The following IDE variants were observed in gnomAD, a reference collection of about 807,000 sequenced individuals.
IDE encodes the protein insulin-degrading enzyme.
In IDE, 58 loss-of-function variants were observed where a neutral mutation model predicts 133.2. The observed-to-expected ratio is 0.44, with a 90% confidence interval of 0.35 to 0.54. The LOEUF (loss-of-function observed/expected upper bound fraction) is 0.54, where lower values mean the gene tolerates loss of function less well. Ranked by LOEUF, IDE falls within the 20% of genes least tolerant of loss-of-function variation. IDE has a pLI of 0.00. For missense variants in IDE, 981 were observed against 1,234.0 expected, an observed-to-expected ratio of 0.79 and a Z score of 3.07; for synonymous variants, 396 against 421.3, an observed-to-expected ratio of 0.94 and a Z score of 0.73.
chr10:92,486,170 GAAA>G (rs1214552760), intron 13 of IDE, among the ~76,000 whole-genome samples: 4 of 152,028 alleles, frequency 2.6e-5, no homozygotes, highest in African/African-American at 9.7e-5. Flanking sequence ...CTAACATGGT[GAAA>G]CCCTGTCTCT....
intron 1 of IDE, among the ~76,000 whole-genome samples, chr10:92,542,463 AT>A (rs1192041747): frequency 6.6e-6 from 1 of 151,788 alleles, no homozygotes; most frequent in Non-Finnish European, 1.5e-5. Context: ...TCTCTAGGTA[AT>A]TTTTTTGTAG....
intron 1 of IDE, among the ~76,000 whole-genome samples, chr10:92,554,467 C>T (rs1842919432): frequency 6.6e-6 from 1 of 151,834 alleles, no homozygotes; most frequent in Admixed American, 6.6e-5. Context: ...GTCCCTTGAG[C>T]CCAAGAGTTT....
intron 1 of IDE, among the ~76,000 whole-genome samples, chr10:92,542,992 T>C (rs1358253358): frequency 6.6e-6 from 1 of 152,238 alleles, no homozygotes; most frequent in Non-Finnish European, 1.5e-5. Flanking sequence ...TCATGATCAA[T>C]ATAGTAGCAG....
chr10:92,506,749 A>C (rs1344687365), intron 9 of IDE, among the ~76,000 whole-genome samples: 1 of 152,214 alleles, frequency 6.6e-6, no homozygotes, highest in African/African-American at 2.4e-5. Context: ...ACCAAAAGCA[A>C]AATAGGTAAA....
At position 92,483,333 on chromosome 10, in the gene IDE, G is replaced by C; in HGVS notation, c.1661C>G (p.Thr554Arg). Residue 554 changes from threonine (T) to arginine (R), a missense_variant, in exon 14 of 25, where the codon ACA becomes AGA. Around this residue, in one of 2 missense-constraint regions of IDE, gnomAD observed 660 missense variants for 894.7 expected, o/e 0.74. Coordinates refer to ENST00000265986, the MANE Select transcript of IDE (RefSeq NM_004969.4). Reference protein sequence around the residue: ...ATPYPALIKDTAMSKLWFKQD... With the variant: ...ATPYPALIKDRAMSKLWFKQD... ...TTTGAACCAAAGTTTGCTCATAGCT[G>C]TATCCTGTGATGGAGAAACAATTTG... 6.3e-7 allele frequency: 1 copy of C among 1,593,798 alleles called. No individual in the cohort carries two copies.
chr10:92,500,222 G>A (rs768182611), intron 11 of IDE, among the ~76,000 whole-genome samples: 3 of 151,846 alleles, frequency 2.0e-5, no homozygotes, highest in Admixed American at 1.3e-4. Context: ...GCTTAAACTC[G>A]GGAGATGGAG....
At chr10:92,524,421 A>AT (rs1468431470) in intron 4 of IDE, among the ~76,000 whole-genome samples, 1 of 91,438 alleles carries the variant, frequency 1.1e-5, no homozygotes, top group African/African-American at 4.4e-5. Flanking sequence ...ATTATATTAT[A>AT]TATAATATAT....
chr10:92,462,851 C>T (rs563213861), intron 21 of IDE, among the ~76,000 whole-genome samples: 5 of 152,280 alleles, frequency 3.3e-5, no homozygotes, highest in Non-Finnish European at 5.9e-5. Flanking sequence ...ACGGCAAATG[C>T]TCAATAAATG....
chr10:92,516,287 A>G lies in IDE; in HGVS notation c.662-1245T>C, dbSNP rs1033532079. Among the ~76,000 whole-genome samples, 4 of 152,054 alleles carry G rather than the reference A, an allele frequency of 2.6e-5. No individual in the cohort carries two copies. The East Asian group carries it at 7.7e-4, about 29-fold the overall frequency. ...GATGGGTGGATCACCTGAGGTGAGGAGTTCAAGACCAGCCTGGCCAACGTG... is the reference window on the plus strand; with the variant it reads ...GATGGGTGGATCACCTGAGGTGAGGGGTTCAAGACCAGCCTGGCCAACGTG... On this transcript the variant is annotated intron_variant, in intron 4 of 24. Transcript: ENST00000265986.
Position 92,504,325 on chromosome 10 carries a change from T to C in IDE, c.1430+469A>G, listed in dbSNP as rs182243693. 2.5e-3 allele frequency among the ~76,000 whole-genome samples: 375 copies of C among 152,254 alleles called. 1 individual carries two copies. Among genetic ancestry groups the C allele is most frequent in the African/African-American group, 8.7e-3 (360 of 41,554 alleles). ...TCTGCTACTATAAGAGTTTGGACTT[T>C]TGATTTCCAGGTTAACCACTGGTCA... On this transcript the variant is annotated intron_variant, in intron 11 of 24. Transcript: ENST00000265986.
At chr10:92,495,882 G>GTT (rs532013461) in intron 11 of IDE, among the ~76,000 whole-genome samples, 7 of 143,752 alleles carry the variant, frequency 4.9e-5, no homozygotes, top group African/African-American at 1.0e-4. Flanking sequence ...TTTTTTAAGT[G>GTT]TTTTTTTTTT....
rs1589392167 is a variant in IDE at position 92,479,372 on chromosome 10, G to A, written c.1789C>T (p.Leu597Phe). 1.2e-5 allele frequency: 19 copies of A among 1,612,966 alleles called. No homozygotes were observed. Among genetic ancestry groups the A allele is most frequent in the Non-Finnish European group, 1.6e-5 (19 of 1,178,982 alleles). ...PLHCNMAYLY[L>F]ELLKDSLNEY... is the part of the protein sequence containing the mutation. ...TTGAGTGAGTCTTTGAGGAGCTCAA[G>A]GTACAAATAGGCCATGTTACAGTGC... The change falls in exon 15 of 25, where the codon CTT (leucine) becomes TTT (phenylalanine). Residue 597 changes from leucine to phenylalanine, a missense_variant. By Grantham distance (22) the Leu-to-Phe change is conservative. This residue lies in a region of IDE where 660 missense variants were observed against 894.7 expected (regional missense o/e 0.74). Transcript: ENST00000265986.
chr10:92,509,260 T>C (rs1304518178), intron 6 of IDE, among the ~76,000 whole-genome samples: 1 of 152,178 alleles, frequency 6.6e-6, no homozygotes, highest in Non-Finnish European at 1.5e-5. Context: ...ATGATCCTAA[T>C]AAATGTGAGA....
intron 15 of IDE, among the ~76,000 whole-genome samples, chr10:92,479,074 C>A (rs1241477551): frequency 2.0e-5 from 3 of 151,020 alleles, no homozygotes; most frequent in African/African-American, 7.3e-5. Context: ...AAAAAGAAAT[C>A]AAGGAAAATT....
At chr10:92,468,280 G>A (rs1278301481) in intron 19 of IDE, among the ~76,000 whole-genome samples, 1 of 152,090 alleles carries the variant, frequency 6.6e-6, no homozygotes, top group Non-Finnish European at 1.5e-5. Flanking sequence ...GCCAAAAAAA[G>A]CTTCTCTTCC....
At chr10:92,529,091 AAAAAC>A (rs1048651807) in intron 4 of IDE, among the ~76,000 whole-genome samples, 4 of 152,100 alleles carry the variant, frequency 2.6e-5, no homozygotes, top group African/African-American at 9.7e-5. Flanking sequence ...AACAAAACAA[AAAAAC>A]AAAACAAAAC....
intron 1 of IDE, chr10:92,541,298 C>G (rs992969484): frequency 2.1e-6 from 1 of 470,522 alleles, no homozygotes; most frequent in African/African-American, 2.0e-5. Context: ...TGATTCTCAC[C>G]TTCTGGAGAA....
In IDE at chr10:92,543,571, A is replaced by G. The variant is rs141054893; in HGVS notation, c.99-6021T>C. ...ATGTTTTGCCTTTGTGCCAGGCAGA[A>G]TATCAGCTATCGTAACTCTATGTCC... is the stretch of plus-strand genomic sequence containing the variant. On this transcript the variant is annotated intron_variant, in intron 1 of 24. Transcript: ENST00000265986. 4.6e-5 allele frequency among the ~76,000 whole-genome samples: 7 copies of G among 152,358 alleles called. No individual in the cohort carries two copies. The East Asian group carries it at 1.3e-3, about 29-fold the overall frequency.
At chr10:92,572,674 CTGTTA>C (rs1843841180) in intron 1 of IDE, among the ~76,000 whole-genome samples, 1 of 152,204 alleles carries the variant, frequency 6.6e-6, no homozygotes, top group African/African-American at 2.4e-5. Flanking sequence ...CATTACCCTA[CTGTTA>C]TAATACAGGA....
Sources: allele counts gnomAD v4.1 joint callset (sites outside exome capture counted in the v4.1 genomes callset), GRCh38; gene constraint gnomAD v4.1.1; regional missense constraint gnomAD v4.1.1; transcripts MANE v1.5; gene names NCBI Gene and HGNC (gene_info 2026-07-23, HGNC 2026-07-21).